Variants in ACBD5 observed in about 807,000 individuals in gnomAD.
ACBD5 encodes acyl-CoA-binding domain-containing protein 5.
A neutral mutation model predicts 71.8 loss-of-function variants in ACBD5; 40 were observed. The observed-to-expected ratio is 0.56, with a 90% confidence interval of 0.43 to 0.72. The LOEUF (loss-of-function observed/expected upper bound fraction) is 0.72. ACBD5 is among the 30% of genes least tolerant of loss of function. ACBD5 has a pLI of 0.00. For missense variants in ACBD5, 559 were observed against 644.5 expected (o/e 0.87, Z 1.44); for synonymous variants, 229 against 218.6 (o/e 1.05, Z -0.42).
chr10:27,241,751 G>A (rs560194569), upstream of ACBD5, among the ~76,000 whole-genome samples: 5 of 152,266 alleles, frequency 3.3e-5, no homozygotes, highest in South Asian at 8.3e-4. Context: ...GATACTGGGC[G>A]TAGAGGGCGG....
At chr10:27,204,617 T>G in intron 11 of ACBD5, 68 bp from the exon 12 acceptor site, 3 of 1,098,410 alleles carry the variant, frequency 2.7e-6, no homozygotes, top group Admixed American at 1.9e-5. Flanking sequence ...AAAACATACC[T>G]AATTCATAAT....
chr10:27,208,492 A>G (rs1480135787), intron 9 of ACBD5, 47 bp from the exon 10 acceptor site: 23 of 1,584,638 alleles, frequency 1.5e-5, no homozygotes, highest in Non-Finnish European at 2.0e-5. Context: ...ATTCTTATAC[A>G]AGTAAAACTG....
chr10:27,215,459 G>T, intron 8 of ACBD5, 76 bp downstream of exon 8: 1 of 903,718 alleles, frequency 1.1e-6, no homozygotes, highest in Non-Finnish European at 1.8e-6. Context: ...ATGTATATTT[G>T]CTACTAACAG....
In ACBD5 at chr10:27,208,261, CGTTTCCA is replaced by C. The variant is rs2060679215; in HGVS notation, c.1382_1388del (p.Leu461ArgfsTer2). 1 of 1,613,974 alleles carries C rather than the reference CGTTTCCA, an allele frequency of 6.2e-7. No individual in the cohort carries two copies. Among genetic ancestry groups the C allele is most frequent in the South Asian group, 1.1e-5 (1 of 91,076 alleles). On this transcript the variant is annotated frameshift_variant, in exon 10 of 13. Coordinates refer to ENST00000396271, the MANE Select transcript of ACBD5 (RefSeq NM_145698.5). LOFTEE classifies it high-confidence loss of function. ...GGAAGTTTACCTGCAAAGCAGTCAGCGTTTCCAGTTTCTGCAGTCTCTGAAGGACATT... is the reference window on the plus strand; with the variant it reads ...GGAAGTTTACCTGCAAAGCAGTCAGCGTTTCTGCAGTCTCTGAAGGACATT...
chr10:27,186,144 G>C (rs2058730733), intron 13 of ACBD5, among the ~76,000 whole-genome samples: 1 of 152,158 alleles, frequency 6.6e-6, no homozygotes, highest in Admixed American at 6.6e-5. Flanking sequence ...CATTCATTCT[G>C]TCATTAAACA....
chr10:27,230,882 A>G (rs1170295437), intron 4 of ACBD5, among the ~76,000 whole-genome samples: 1 of 151,702 alleles, frequency 6.6e-6, no homozygotes. Context: ...TGCCTTTGAC[A>G]CACTTAAAAG....
chr10:27,187,751 C>CAAAAAAAAAAAA (rs11442040), intron 13 of ACBD5, among the ~76,000 whole-genome samples: 1 of 139,370 alleles, frequency 7.2e-6, no homozygotes, highest in Non-Finnish European at 1.6e-5. Context: ...GACTCAGTCT[C>CAAAAAAAAAAAA]AAAAAAAAAA....
intron 4 of ACBD5, among the ~76,000 whole-genome samples, chr10:27,224,523 A>G (rs2062766982): frequency 6.6e-6 from 1 of 152,228 alleles, no homozygotes; most frequent in African/African-American, 2.4e-5. Context: ...TAAAGTAGGA[A>G]ATTGTAATCA....
At chr10:27,229,158 A>T (rs1489930030) in intron 4 of ACBD5, among the ~76,000 whole-genome samples, 2 of 151,934 alleles carry the variant, frequency 1.3e-5, no homozygotes, top group Admixed American at 6.6e-5. Flanking sequence ...TTTCTCAGTG[A>T]TATTTCATGG....
intron 13 of ACBD5, among the ~76,000 whole-genome samples, chr10:27,185,992 G>C (rs2058711590): frequency 6.6e-6 from 1 of 152,148 alleles, no homozygotes; most frequent in Non-Finnish European, 1.5e-5. Flanking sequence ...GGGAGGCTGA[G>C]GTAGGAGAAT....
In ACBD5 at chr10:27,240,218, C is replaced by A; in HGVS notation, c.181+101G>T. 6.3e-7 allele frequency: 1 copy of A among 1,592,774 alleles called. No individual in the cohort carries two copies. Among genetic ancestry groups the A allele is most frequent in the Non-Finnish European group, 8.6e-7 (1 of 1,168,920 alleles). The stretch of plus-strand genomic sequence containing the variant: ...CCCCTTCCACTACATGGCTCCTACA[C>A]AGAAAAAAAGGCTAAATAAACAACA... On this transcript the variant is annotated intron_variant, in intron 2 of 12. Coordinates refer to ENST00000396271, the MANE Select transcript of ACBD5 (RefSeq NM_145698.5). The surrounding 1 kb of genome is among the most constrained non-coding windows in gnomAD (Gnocchi z 4.1).
chr10:27,236,550 A>G (rs1380026074), intron 2 of ACBD5, among the ~76,000 whole-genome samples: 1 of 152,214 alleles, frequency 6.6e-6, no homozygotes. Context: ...AACAATTGTA[A>G]CAAGATATTT....
chr10:27,200,710 C>T (rs1217361357), intron 12 of ACBD5, among the ~76,000 whole-genome samples: 2 of 152,160 alleles, frequency 1.3e-5, no homozygotes, highest in Admixed American at 6.5e-5. Flanking sequence ...CGGCTCACCT[C>T]GGCCTCCCAA....
At chr10:27,198,172 T>C (rs1420280562) in intron 12 of ACBD5, among the ~76,000 whole-genome samples, 4 of 152,230 alleles carry the variant, frequency 2.6e-5, no homozygotes, top group African/African-American at 9.6e-5. Context: ...TTCCAGGCTC[T>C]GTGCCAGGCC....
At position 27,240,344 on chromosome 10, in the gene ACBD5, C is replaced by T; in HGVS notation, c.156G>A (p.Lys52=). 1 of 1,614,042 alleles carries T rather than the reference C, an allele frequency of 6.2e-7. No individual in the cohort carries two copies. ...CATTCTTCGGCAAACTCTGGATCACCTTCACGGCCGCCTCAAACCTAGTCT... is the reference window on the plus strand; with the variant it reads ...CATTCTTCGGCAAACTCTGGATCACTTTCACGGCCGCCTCAAACCTAGTCT... ...VHETRFEAAV[K]VIQSLPKNGS... The change falls in exon 2 of 13, where the codon AAG becomes AAA. Residue 52 remains lysine, a synonymous_variant. Transcript: ENST00000396271. This position sits in a 1 kb window ranked among gnomAD's most constrained non-coding sequence, Gnocchi z 4.1.
intron 10 of ACBD5, among the ~76,000 whole-genome samples, chr10:27,206,088 C>T (rs2060442720): frequency 6.6e-6 from 1 of 151,690 alleles, no homozygotes. Flanking sequence ...TATTGGTAGA[C>T]ACAGGGTCTT....
At chr10:27,183,825 C>T (rs953978001) in intron 13 of ACBD5, among the ~76,000 whole-genome samples, 2 of 152,086 alleles carry the variant, frequency 1.3e-5, no homozygotes, top group African/African-American at 4.8e-5. Context: ...AATTCTTCCA[C>T]CTCAGCCTCC....
At position 27,207,286 on chromosome 10, in the gene ACBD5, C is replaced by CATAATAATAATAATAATA. The variant is rs10676608; in HGVS notation, c.1404+942_1404+959dup. ...TGAGACTCCATCTCAAAAAAAAACC[C>CATAATAATAATAATAATA]ATAATAATAATAATAATAATAATAA... On this transcript the variant is annotated intron_variant, in intron 10 of 12. Transcript: ENST00000396271. 4.8e-5 allele frequency among the ~76,000 whole-genome samples: 7 copies of CATAATAATAATAATAATA among 146,078 alleles called. No homozygotes were observed. In the East Asian group the frequency reaches 8.0e-4, roughly 17 times the overall value.
At chr10:27,194,882 G>C (rs1333877090), downstream of ACBD5, among the ~76,000 whole-genome samples, 1 of 151,996 alleles carries the variant, frequency 6.6e-6, no homozygotes, top group South Asian at 2.1e-4. Context: ...TGTACTCCCA[G>C]CTACTCGGGA....
Sources: allele counts gnomAD v4.1 joint callset (sites outside exome capture counted in the v4.1 genomes callset), GRCh38; gene constraint gnomAD v4.1.1; non-coding constraint Gnocchi (gnomAD v3.1); transcripts MANE v1.5; gene names NCBI Gene and HGNC (gene_info 2026-07-23, HGNC 2026-07-21).